The following CYP4Z1 variants were observed in gnomAD, a reference collection of about 807,000 sequenced individuals.
CYP4Z1 encodes cytochrome P450 4Z1.
Under a neutral mutation model 54.2 loss-of-function variants are expected in CYP4Z1, and 41 were observed. That is an observed-to-expected ratio of 0.76 (90% CI 0.59 to 0.98). The LOEUF is 0.98. Ranked by LOEUF, CYP4Z1 falls within the 50% of genes least tolerant of loss-of-function variation. The probability of loss-of-function intolerance (pLI) is 0.00; values close to 1 mark genes in which losing one functional copy is unlikely to be tolerated. For missense variants in CYP4Z1, 513 were observed against 599.0 expected, an observed-to-expected ratio of 0.86 and a Z score of 1.50; for synonymous variants, 163 against 206.2, an observed-to-expected ratio of 0.79 and a Z score of 1.79.
At chr1:47,097,137 T>C (rs1248295922) in intron 7 of CYP4Z1, 4 of 152,208 alleles carry the variant, frequency 2.6e-5, no homozygotes, top group East Asian at 3.9e-4. Flanking sequence ...GCAAACGACA[T>C]GATCTCATTC....
intron 9 of CYP4Z1, 38 bp downstream of exon 9, chr1:47,106,299 T>C (rs1644757488): frequency 6.3e-7 from 1 of 1,591,458 alleles, no homozygotes. Flanking sequence ...ACAATGCAGC[T>C]GTGCTGGATT....
intron 8 of CYP4Z1, among the ~76,000 whole-genome samples, chr1:47,103,575 C>CTT (rs369939162): frequency 3.1e-5 from 4 of 128,612 alleles, no homozygotes; most frequent in Admixed American, 7.8e-5. Context: ...TCACCTTCTT[C>CTT]TTTTTTTTTT....
chr1:47,079,900 G>C (rs1478825739), intron 2 of CYP4Z1, among the ~76,000 whole-genome samples: 7 of 145,332 alleles, frequency 4.8e-5, no homozygotes, highest in African/African-American at 1.8e-4. Context: ...AATACACTAG[G>C]GACTGAGAGA....
intron 2 of CYP4Z1, among the ~76,000 whole-genome samples, 173 bp downstream of exon 2, chr1:47,068,936 C>T (rs998606682): frequency 6.6e-5 from 10 of 152,302 alleles, no homozygotes; most frequent in African/African-American, 1.7e-4. Context: ...CTATTGAGGG[C>T]TGTTGTAGAG....
rs553370911 is a variant in CYP4Z1 at position 47,112,552 on chromosome 1, A to T, written c.1202-2977A>T. 3.3e-5 allele frequency among the ~76,000 whole-genome samples: 5 copies of T among 152,322 alleles called. No individual in the cohort carries two copies. In the South Asian group the frequency reaches 1.0e-3, roughly 32 times the overall value. ...AAAAATTGAACAAAAATATATTTAG[A>T]TAAAAATCACTTATGTATATAAGTA... On this transcript the variant is annotated intron_variant, in intron 9 of 11. Transcript: ENST00000334194.
chr1:47,111,257 C>A (rs1165580789), intron 9 of CYP4Z1, among the ~76,000 whole-genome samples: 2 of 151,746 alleles, frequency 1.3e-5, no homozygotes, highest in Non-Finnish European at 2.9e-5. Flanking sequence ...AATCTCTGCT[C>A]CCTGCAAACT....
chr1:47,083,558 G>T (rs1214387778), intron 4 of CYP4Z1, among the ~76,000 whole-genome samples: 1 of 152,230 alleles, frequency 6.6e-6, no homozygotes, highest in African/African-American at 2.4e-5. Context: ...CACTTTGGGA[G>T]GCCAAGGTGG....
At chr1:47,083,921 T>C (rs1035821428) in intron 4 of CYP4Z1, among the ~76,000 whole-genome samples, 8 of 152,154 alleles carry the variant, frequency 5.3e-5, no homozygotes, top group Non-Finnish European at 1.2e-4. Context: ...GTAACGTGTT[T>C]GGAAAAAAGC....
At chr1:47,085,524 T>C (rs1033742549) in intron 6 of CYP4Z1, among the ~76,000 whole-genome samples, 5 of 152,206 alleles carry the variant, frequency 3.3e-5, no homozygotes, top group Admixed American at 1.3e-4. Context: ...AAAATTGGCC[T>C]CTTTTTCTCT....
chr1:47,113,542 G>A (rs1260670143), intron 9 of CYP4Z1, among the ~76,000 whole-genome samples: 4 of 152,144 alleles, frequency 2.6e-5, no homozygotes, highest in Admixed American at 6.5e-5. Context: ...AATGGTTAAC[G>A]AAATTATGAT....
upstream of CYP4Z1, among the ~76,000 whole-genome samples, chr1:47,063,339 C>G (rs1644433736): frequency 6.6e-6 from 1 of 152,000 alleles, no homozygotes; most frequent in Non-Finnish European, 1.5e-5. Context: ...GGTTTTTTCA[C>G]ACCCCCAAGA....
At chr1:47,093,814 G>A (rs1361908933) in intron 6 of CYP4Z1, among the ~76,000 whole-genome samples, 2 of 152,186 alleles carry the variant, frequency 1.3e-5, no homozygotes, top group Non-Finnish European at 2.9e-5. Context: ...AAAAGGAAAC[G>A]TTGGAAAGCC....
At chr1:47,077,174 TG>T (rs201274555) in intron 2 of CYP4Z1, among the ~76,000 whole-genome samples, 5,633 of 152,182 alleles carry the variant, frequency 0.037, 353 homozygotes, top group African/African-American at 0.12. Context: ...TTGAAAGGGA[TG>T]TAGTGAATTC....
chr1:47,107,664 T>C (rs1644766212), intron 9 of CYP4Z1, among the ~76,000 whole-genome samples: 1 of 152,020 alleles, frequency 6.6e-6, no homozygotes, highest in Admixed American at 6.6e-5. Flanking sequence ...AAAATGATGA[T>C]TTATTGCTGC....
rs545475610 is a variant in CYP4Z1, at chr1:47,067,755, A to C, written c.177+88A>C. On this transcript the variant is annotated intron_variant, in intron 1 of 11. Coordinates refer to ENST00000334194, the MANE Select transcript of CYP4Z1 (RefSeq NM_178134.3). ...AGCACAGACTGGTGGGGCATTATGT[A>C]ATATGCAAAATGCTTTCACACCAAT... is the stretch of plus-strand genomic sequence containing the variant. 14 of 1,238,036 alleles carry C rather than the reference A, an allele frequency of 1.1e-5. No individual in the cohort carries two copies. In the East Asian group the frequency reaches 2.3e-4, roughly 20 times the overall value. 76.7% of individuals were successfully genotyped at this position (1,238,036 alleles called of 1,614,324 possible).
At chr1:47,079,255 G>A (rs397832620) in intron 2 of CYP4Z1, among the ~76,000 whole-genome samples, 4 of 152,250 alleles carry the variant, frequency 2.6e-5, no homozygotes, top group South Asian at 2.1e-4. Flanking sequence ...TGTGGGGCAA[G>A]GCTAAATTGC....
chr1:47,099,138 A>C lies in CYP4Z1; in HGVS notation c.921A>C (p.Glu307Asp). The stretch of plus-strand genomic sequence containing the variant: ...TCTCTGAAGCAGATCTCCAGGCTGA[A>C]GTGAAAACGTTCATGTTTGCAGGAC... Reference protein sequence around the residue: ...KDFSEADLQAEVKTFMFAGHD... With the variant: ...KDFSEADLQADVKTFMFAGHD... The change falls in exon 8 of 12, where the codon GAA becomes GAC. Residue 307 changes from glutamate to aspartate, a missense_variant. Coordinates refer to ENST00000334194, the MANE Select transcript of CYP4Z1 (RefSeq NM_178134.3). 1 of 1,614,100 alleles carries C rather than the reference A, an allele frequency of 6.2e-7. No individual in the cohort carries two copies. Among genetic ancestry groups the C allele is most frequent in the South Asian group, 1.1e-5 (1 of 91,082 alleles).
At chr1:47,102,595 T>C (rs569441906) in intron 8 of CYP4Z1, among the ~76,000 whole-genome samples, 24 of 152,318 alleles carry the variant, frequency 1.6e-4, no homozygotes, top group African/African-American at 5.3e-4. Context: ...CTGGGAATAG[T>C]ATCCTTGACT....
chr1:47,107,860 T>C (rs1644767489), intron 9 of CYP4Z1, among the ~76,000 whole-genome samples: 1 of 152,200 alleles, frequency 6.6e-6, no homozygotes, highest in Non-Finnish European at 1.5e-5. Context: ...TTTCCTGATC[T>C]TGTGGCTTTT....
Sources: allele counts gnomAD v4.1 joint callset (sites outside exome capture counted in the v4.1 genomes callset), GRCh38; gene constraint gnomAD v4.1.1; transcripts MANE v1.5; gene names NCBI Gene and HGNC (gene_info 2026-07-23, HGNC 2026-07-21).